The following ANKS1B variants were observed in gnomAD, a reference collection of about 807,000 sequenced individuals.
ANKS1B encodes the protein ankyrin repeat and sterile alpha motif domain containing 1B.
Under a neutral mutation model 148.3 loss-of-function variants are expected in ANKS1B, and 36 were observed. The ratio of observed to expected loss-of-function variants is 0.24; its 90% CI spans 0.19 to 0.32. The LOEUF is 0.32. Ranked by LOEUF, ANKS1B falls within the 10% of genes least tolerant of loss-of-function variation. ANKS1B has a pLI of 1.00. For missense variants in ANKS1B, 1,157 were observed against 1,542.6 expected, an observed-to-expected ratio of 0.75 and a Z score of 4.19; for synonymous variants, 542 against 560.8, an observed-to-expected ratio of 0.97 and a Z score of 0.47.
intron 14 of ANKS1B, among the ~76,000 whole-genome samples, chr12:99,236,624 C>T (rs1204734561): frequency 5.3e-5 from 8 of 152,210 alleles, no homozygotes; most frequent in Non-Finnish European, 1.0e-4. Flanking sequence ...TGGGTGGGAA[C>T]ACAGCCAAAC....
At chr12:99,253,129 A>G (rs146093456) in intron 12 of ANKS1B, among the ~76,000 whole-genome samples, 2 of 151,748 alleles carry the variant, frequency 1.3e-5, no homozygotes, top group Non-Finnish European at 2.9e-5. Flanking sequence ...CAGGAGACTG[A>G]GATGGGAGGA....
At chr12:99,941,099 C>T (rs751491491) in intron 1 of ANKS1B, among the ~76,000 whole-genome samples, 3 of 151,870 alleles carry the variant, frequency 2.0e-5, no homozygotes, top group Non-Finnish European at 4.4e-5. Flanking sequence ...CACAGATGTT[C>T]AACAAATATT....
chr12:99,968,290 G>T (rs1196986493), intron 1 of ANKS1B, among the ~76,000 whole-genome samples: 3 of 152,188 alleles, frequency 2.0e-5, no homozygotes, highest in Non-Finnish European at 4.4e-5. Context: ...GGGTGTGGTG[G>T]CTGACGCCTG....
chr12:99,952,224 T>C (rs989457379), intron 1 of ANKS1B, among the ~76,000 whole-genome samples: 1 of 152,178 alleles, frequency 6.6e-6, no homozygotes, highest in Non-Finnish European at 1.5e-5. Context: ...AATTCATGCA[T>C]GGAACCCCTA....
At chr12:99,624,036 T>C in intron 9 of ANKS1B, among the ~76,000 whole-genome samples, 1 of 152,064 alleles carries the variant, frequency 6.6e-6, no homozygotes, top group East Asian at 1.9e-4. Flanking sequence ...CAAAACAGCA[T>C]GGTACTCTTA....
At chr12:98,979,998 T>C (rs993170314) in intron 17 of ANKS1B, among the ~76,000 whole-genome samples, 1 of 152,230 alleles carries the variant, frequency 6.6e-6, no homozygotes, top group African/African-American at 2.4e-5. Flanking sequence ...TCTCTTACTA[T>C]GTCTTCAAGT....
chr12:99,952,332 T>A (rs1459935537), intron 1 of ANKS1B, among the ~76,000 whole-genome samples: 1 of 152,200 alleles, frequency 6.6e-6, no homozygotes, highest in Non-Finnish European at 1.5e-5. Flanking sequence ...TTGCTGCTGC[T>A]GTTGTTGATG....
chr12:99,925,348 G>C (rs1386879821), intron 1 of ANKS1B, among the ~76,000 whole-genome samples: 1 of 152,112 alleles, frequency 6.6e-6, no homozygotes, highest in Non-Finnish European at 1.5e-5. Context: ...ACCCTCAAAG[G>C]ATTACATACT....
intron 9 of ANKS1B, among the ~76,000 whole-genome samples, chr12:99,536,082 G>T (rs1223287811): frequency 6.6e-6 from 1 of 152,124 alleles, no homozygotes; most frequent in African/African-American, 2.4e-5. Flanking sequence ...CCCTGGAAAA[G>T]CTCCATTTAT....
intron 17 of ANKS1B, among the ~76,000 whole-genome samples, chr12:98,974,018 A>T (rs56287109): frequency 0.05 from 7,635 of 152,174 alleles, 546 homozygotes; most frequent in African/African-American, 0.16. Flanking sequence ...TTAAAACACA[A>T]CCCTTGTGGA....
chr12:99,248,744 G>A (rs1279311665), intron 12 of ANKS1B, among the ~76,000 whole-genome samples: 1 of 152,132 alleles, frequency 6.6e-6, no homozygotes, highest in Non-Finnish European at 1.5e-5. Context: ...CACCTAGTAA[G>A]CAATTAAGCT....
At chr12:99,312,833 A>G (rs1305094789) in intron 12 of ANKS1B, among the ~76,000 whole-genome samples, 2 of 152,182 alleles carry the variant, frequency 1.3e-5, no homozygotes, top group African/African-American at 4.8e-5. Context: ...AAGATCTCAA[A>G]TCGATACCCT....
At chr12:99,269,683 A>G (rs538119449) in intron 12 of ANKS1B, among the ~76,000 whole-genome samples, 2 of 152,158 alleles carry the variant, frequency 1.3e-5, no homozygotes, top group African/African-American at 2.4e-5. Context: ...CTCAGCCTCC[A>G]GAGTAGCTGG....
intron 1 of ANKS1B, among the ~76,000 whole-genome samples, chr12:99,843,527 A>T (rs59649444): frequency 7.9e-5 from 12 of 152,000 alleles, no homozygotes; most frequent in African/African-American, 2.9e-4. Context: ...CTATTCCTGC[A>T]TTAGTTTGCT....
At chr12:99,205,543 T>A (rs2082563185) in intron 14 of ANKS1B, among the ~76,000 whole-genome samples, 1 of 152,210 alleles carries the variant, frequency 6.6e-6, no homozygotes, top group East Asian at 1.9e-4. Context: ...AGGAGAGATG[T>A]TACTGAGCCC....
intron 9 of ANKS1B, among the ~76,000 whole-genome samples, chr12:99,581,139 C>A: frequency 6.6e-6 from 1 of 152,212 alleles, no homozygotes; most frequent in Non-Finnish European, 1.5e-5. Context: ...GAAATTAACA[C>A]TATTTGATTT....
chr12:98,930,449 T>C (rs1053994335), intron 17 of ANKS1B, among the ~76,000 whole-genome samples: 6 of 152,276 alleles, frequency 3.9e-5, no homozygotes, highest in East Asian at 3.9e-4. Flanking sequence ...CCCAAGAGAA[T>C]TGAAAACATA....
intron 1 of ANKS1B, among the ~76,000 whole-genome samples, chr12:99,967,131 A>G (rs2095493675): frequency 6.6e-6 from 1 of 152,208 alleles, no homozygotes. Flanking sequence ...ATATATAATT[A>G]TGATTTATAA....
intron 1 of ANKS1B, among the ~76,000 whole-genome samples, chr12:99,845,173 CA>C (rs2086439518): frequency 6.7e-6 from 1 of 149,798 alleles, no homozygotes; most frequent in Admixed American, 6.6e-5. Flanking sequence ...ACGTTATCTG[CA>C]AACAAAGATA....
Sources: gnomAD v4.1 joint callset for allele counts (sites outside exome capture counted in the v4.1 genomes callset) on GRCh38, gnomAD v4.1.1 for gene constraint, MANE v1.5 for transcripts, NCBI Gene and HGNC (gene_info 2026-07-23, HGNC 2026-07-21) for gene names.